FAM83H: variants seen among roughly 807,000 people sequenced by gnomAD.
The protein encoded by FAM83H is scaffolding CK1 anchoring protein H.
FAM83H carries 24 observed loss-of-function variants against 30.2 expected under a neutral mutation model. The ratio of observed to expected loss-of-function variants is 0.79; its 90% CI spans 0.57 to 1.12. The LOEUF (loss-of-function observed/expected upper bound fraction) is 1.12. Ranked by LOEUF, FAM83H falls within the 50% of genes most tolerant of loss-of-function variation. The pLI is 0.00. For missense variants in FAM83H, 2,038 were observed against 1,773.9 expected (o/e 1.15, Z -2.67); for synonymous variants, 1,013 against 821.7 (o/e 1.23, Z -3.98).
chr8:143,726,679 G>T lies in FAM83H; in HGVS notation c.2782C>A (p.Pro928Thr). ...CTGCCCCTGCGCTCCGGCACGGGGG[G>T]CACCGGACTGCTCCTGCGCTCCGGC... ...PVPERRSSPV[P>T]PVPERRGSLT... Residue 928 changes from proline to threonine, a missense_variant, in exon 5 of 5, where the codon CCC (proline) becomes ACC (threonine). Physicochemically the swap from Pro to Thr is conservative, Grantham distance 38 (BLOSUM62 -1). Transcript: ENST00000388913. 6.3e-7 allele frequency: 1 copy of T among 1,597,336 alleles called. No homozygotes were observed.
Position 143,727,688 on chromosome 8 carries a change from G to T in FAM83H, c.1773C>A (p.His591Gln). The change falls in exon 5 of 5, where the codon CAC (histidine) becomes CAA (glutamine). Residue 591 changes from histidine (H) to glutamine (Q), a missense_variant. By Grantham distance (24) the His-to-Gln change is conservative. Transcript: ENST00000388913. ...GGCCGTCGTCGCCCCCATCCTCGCC[G>T]TGGCAGCCGCTCAAGTAGGAGGCCA... Reference protein sequence around the residue: ...WRLASYLSGCHGEDGGDDGLP... With the variant: ...WRLASYLSGCQGEDGGDDGLP... The T allele has an allele frequency of 1.9e-6, 3 of 1,561,898 alleles. No homozygotes were observed. Among genetic ancestry groups the T allele is most frequent in the Admixed American group, 1.8e-5 (1 of 55,700 alleles).
At chr8:143,730,928 T>C (rs1317197946) in intron 1 of FAM83H, among the ~76,000 whole-genome samples, 1 of 152,054 alleles carries the variant, frequency 6.6e-6, no homozygotes, top group East Asian at 1.9e-4. Context: ...ACCCCATCTC[T>C]ACAAAAAATT....
intron 1 of FAM83H, chr8:143,731,224 C>T (rs888890014): frequency 1.1e-5 from 4 of 371,904 alleles, no homozygotes; most frequent in African/African-American, 2.2e-5. Flanking sequence ...CATTCACGGA[C>T]CCCTGGCACT....
chr8:143,728,699 G>C lies in FAM83H; in HGVS notation c.762C>G (p.Ile254Met). The change falls in exon 5 of 5, where the codon ATC (isoleucine) becomes ATG (methionine). Residue 254 changes from isoleucine (I) to methionine (M), a missense_variant. Transcript: ENST00000388913. ...SYSFMWSFEKIHRSLAHVFQG... is the reference protein window; with the variant it reads ...SYSFMWSFEKMHRSLAHVFQG... ...GGAACACGTGCGCCAGGCTGCGGTG[G>C]ATCTTCTCAAAGGACCACATGAAGC... The C allele has an allele frequency of 6.2e-7, 1 of 1,600,408 alleles. No individual in the cohort carries two copies. Among genetic ancestry groups the C allele is most frequent in the Non-Finnish European group, 8.5e-7 (1 of 1,179,884 alleles).
At position 143,726,581 on chromosome 8, in the gene FAM83H, T is replaced by C; in HGVS notation, c.2880A>G (p.Glu960=). 6.2e-7 allele frequency: 1 copy of C among 1,601,752 alleles called. No homozygotes were observed. The highest frequency in any genetic ancestry group is 1.1e-5 in the South Asian group (1 of 90,774). Reference sequence around the variant, plus strand: ...GACGCAAGGAGCCTTTGCGCAGGACTTCCATGGGGCCGCTCGGCCCCTCCT... The same window carrying C: ...GACGCAAGGAGCCTTTGCGCAGGACCTCCATGGGGCCGCTCGGCCCCTCCT... ...PAEEGPSGPM[E]VLRKGSLRLR... is the part of the protein sequence containing the mutation. Residue 960 remains glutamate, a synonymous_variant, in exon 5 of 5, where the codon GAA becomes GAG. Coordinates refer to ENST00000388913, the MANE Select transcript of FAM83H (RefSeq NM_198488.5).
chr8:143,726,974 G>A lies in FAM83H; in HGVS notation c.2487C>T (p.Asp829=), dbSNP rs782708415. Residue 829 remains aspartate (D), a synonymous_variant, in exon 5 of 5, where the codon GAC becomes GAT. Coordinates refer to ENST00000388913, the MANE Select transcript of FAM83H (RefSeq NM_198488.5). The part of the protein sequence containing the change: ...LLDTLGRSGS[D]RLPSRFLSAQ... Reference sequence around the variant, plus strand: ...CAGAGAGGAAGCGGGAAGGCAGGCGGTCGGAGCCGCTCCGGCCCAGTGTGT... The same window carrying A: ...CAGAGAGGAAGCGGGAAGGCAGGCGATCGGAGCCGCTCCGGCCCAGTGTGT... 15 of 1,602,840 alleles carry A rather than the reference G, an allele frequency of 9.4e-6. No individual in the cohort carries two copies. In the East Asian group the frequency reaches 2.5e-4, roughly 26 times the overall value.
chr8:143,725,675 G>A lies in FAM83H; in HGVS notation c.*246C>T, dbSNP rs1430695903. On this transcript the variant is annotated 3_prime_UTR_variant, in exon 5 of 5. Coordinates refer to ENST00000388913, the MANE Select transcript of FAM83H (RefSeq NM_198488.5). ...CTGACGGTGCAGAGATGAAGGTGCTGAGGGGAGAAAGGCACTGGTGGCGAG... is the reference window on the plus strand; with the variant it reads ...CTGACGGTGCAGAGATGAAGGTGCTAAGGGGAGAAAGGCACTGGTGGCGAG... 16 of 614,340 alleles carry A rather than the reference G, an allele frequency of 2.6e-5. No individual in the cohort carries two copies. Among genetic ancestry groups the A allele is most frequent in the Admixed American group, 8.9e-5 (3 of 33,820 alleles). 38.1% of individuals were successfully genotyped at this position (614,340 alleles called of 1,614,324 possible). A position where few individuals can be genotyped will look rare whatever the true frequency, so the allele number is the denominator to read the frequency against.
rs1186805430 is a variant in FAM83H at position 143,727,918 on chromosome 8, C to T, written c.1543G>A (p.Ala515Thr). 2 of 1,522,380 alleles carry T rather than the reference C, an allele frequency of 1.3e-6. No homozygotes were observed. The highest frequency in any genetic ancestry group is 1.8e-6 in the Non-Finnish European group (2 of 1,141,328). 94.3% of individuals were successfully genotyped at this position (1,522,380 alleles called of 1,614,324 possible). A position where few individuals can be genotyped will look rare whatever the true frequency, so the allele number is the denominator to read the frequency against. Reference protein sequence around the residue: ...HQRLDYVPSSASREVRHGSDP... With the variant: ...HQRLDYVPSSTSREVRHGSDP... Reference sequence around the variant, plus strand: ...GAGCCGTGGCGCACCTCGCGGGACGCGCTGGACGGCACGTAGTCCAGCCGC... The same window carrying T: ...GAGCCGTGGCGCACCTCGCGGGACGTGCTGGACGGCACGTAGTCCAGCCGC... The change falls in exon 5 of 5, where the codon GCG (alanine) becomes ACG (threonine). Residue 515 changes from alanine to threonine, a missense_variant. Transcript: ENST00000388913.
chr8:143,728,615 C>CT lies in FAM83H; in HGVS notation c.845dup (p.Pro283AlafsTer42). On this transcript the variant is annotated frameshift_variant, in exon 5 of 5. Transcript: ENST00000388913. LOFTEE classifies it low-confidence loss of function (END_TRUNC). ...GGGCCGCGGCCGAGGGCACAAGCGG[C>CT]TCGGACTGCGCGAAGAGGATGCGGA... 1 of 1,609,898 alleles carries CT rather than the reference C, an allele frequency of 6.2e-7. No individual in the cohort carries two copies. The highest frequency in any genetic ancestry group is 8.5e-7 in the Non-Finnish European group (1 of 1,179,594).
Position 143,733,237 on chromosome 8 carries a change from G to A in FAM83H, c.-16+454C>T, listed in dbSNP as rs1345129993. On this transcript the variant is annotated intron_variant, in intron 1 of 4. Coordinates refer to ENST00000388913, the MANE Select transcript of FAM83H (RefSeq NM_198488.5). This position sits in a 1 kb window ranked among gnomAD's most constrained non-coding sequence, Gnocchi z 5.6. Reference sequence around the variant, plus strand: ...CCCAGCCCAGGAACGTGGGCGCGAGGGGCAGCACTCCCATCACTCGCCCTG... The same window carrying A: ...CCCAGCCCAGGAACGTGGGCGCGAGAGGCAGCACTCCCATCACTCGCCCTG... The A allele has an allele frequency of 6.6e-6, 1 of 152,382 alleles. No individual in the cohort carries two copies. Among genetic ancestry groups the A allele is most frequent in the Admixed American group, 6.5e-5 (1 of 15,292 alleles). The allele number at this position is 152,382 out of a possible 1,614,324, so 9.4% of individuals were successfully genotyped here.
chr8:143,727,219 G>T lies in FAM83H; in HGVS notation c.2242C>A (p.Pro748Thr). 1 of 1,533,792 alleles carries T rather than the reference G, an allele frequency of 6.5e-7. No individual in the cohort carries two copies. The change falls in exon 5 of 5, where the codon CCC (proline) becomes ACC (threonine). Residue 748 changes from proline (P) to threonine (T), a missense_variant. By Grantham distance (38) the Pro-to-Thr change is conservative. Coordinates refer to ENST00000388913, the MANE Select transcript of FAM83H (RefSeq NM_198488.5). ...GTGATGGCGCCCGCGCCGCCGCCGG[G>T]ATCACGGGCTGGGCCCTTGTACTTC... ...LEKYKGPARD[P>T]GGGAGAITVA... is the part of the protein sequence containing the mutation.
chr8:143,730,082 C>G (rs537485695), intron 2 of FAM83H, 54 bp downstream of exon 2: 9 of 1,426,322 alleles, frequency 6.3e-6, no homozygotes, highest in African/African-American at 2.9e-5. Flanking sequence ...CCTCCACCCC[C>G]GTGCCTCTAG....
rs1554621031 is a variant in FAM83H at position 143,724,888 on chromosome 8, G to A, written c.*1033C>T. 1 of 152,564 alleles carries A rather than the reference G, an allele frequency of 6.6e-6. No homozygotes were observed. Among genetic ancestry groups the A allele is most frequent in the South Asian group, 2.1e-4 (1 of 4,826 alleles). The allele number at this position is 152,564 out of a possible 1,614,324, so 9.5% of individuals were successfully genotyped here. A position where few individuals can be genotyped will look rare whatever the true frequency, so the allele number is the denominator to read the frequency against. ...AGTGCTGGCCAGAGCCTCGCTGGAG[G>A]AGATGGCAGACCTGGCCAAGGCGCC... On this transcript the variant is annotated 3_prime_UTR_variant, in exon 5 of 5. Coordinates refer to ENST00000388913, the MANE Select transcript of FAM83H (RefSeq NM_198488.5).
rs2129679645 is a variant in FAM83H at position 143,728,690 on chromosome 8, G to A, written c.771C>T (p.Ser257=). ...FMWSFEKIHR[S]LAHVFQGELV... Reference sequence around the variant, plus strand: ...GCTCTCCTTGGAACACGTGCGCCAGGCTGCGGTGGATCTTCTCAAAGGACC... The same window carrying A: ...GCTCTCCTTGGAACACGTGCGCCAGACTGCGGTGGATCTTCTCAAAGGACC... The change falls in exon 5 of 5, where the codon AGC becomes AGT. Residue 257 remains serine (S), a synonymous_variant. Coordinates refer to ENST00000388913, the MANE Select transcript of FAM83H (RefSeq NM_198488.5). The A allele has an allele frequency of 1.2e-6, 2 of 1,601,222 alleles. No individual in the cohort carries two copies. The highest frequency in any genetic ancestry group is 4.5e-5 in the East Asian group (2 of 44,872).
In FAM83H at chr8:143,727,925, C is replaced by G. The variant is rs1563759415; in HGVS notation, c.1536G>C (p.Pro512=). ...GGCGCACCTCGCGGGACGCGCTGGACGGCACGTAGTCCAGCCGCTGGTGCC... is the reference window on the plus strand; with the variant it reads ...GGCGCACCTCGCGGGACGCGCTGGAGGGCACGTAGTCCAGCCGCTGGTGCC... ...PDGHQRLDYV[P]SSASREVRHG... is the part of the protein sequence containing the mutation. The change falls in exon 5 of 5, where the codon CCG becomes CCC. Residue 512 remains proline (P), a synonymous_variant. Coordinates refer to ENST00000388913, the MANE Select transcript of FAM83H (RefSeq NM_198488.5). 6.5e-7 allele frequency: 1 copy of G among 1,531,356 alleles called. No homozygotes were observed. The highest frequency in any genetic ancestry group is 2.4e-5 in the East Asian group (1 of 41,212). The allele number at this position is 1,531,356 out of a possible 1,614,324, so 94.9% of individuals were successfully genotyped here.
rs1818480427 is a variant in FAM83H at position 143,730,529 on chromosome 8, C to G, written c.54G>C (p.Gly18=). ...SSQGDNPLAP[G]YLPPHYKEYY... ...ACTCTTTGTAGTGAGGCGGCAGGTACCCGGGTGCCAGTGGGTTGTCCCCCT... is the reference window on the plus strand; with the variant it reads ...ACTCTTTGTAGTGAGGCGGCAGGTAGCCGGGTGCCAGTGGGTTGTCCCCCT... The change falls in exon 2 of 5, where the codon GGG becomes GGC. Residue 18 remains glycine, a synonymous_variant. Transcript: ENST00000388913. The G allele has an allele frequency of 6.3e-7, 1 of 1,577,896 alleles. No individual in the cohort carries two copies. The highest frequency in any genetic ancestry group is 1.2e-5 in the South Asian group (1 of 86,782).
Position 143,728,180 on chromosome 8 carries a change from C to A in FAM83H, c.1281G>T (p.Arg427=). 1 of 1,605,864 alleles carries A rather than the reference C, an allele frequency of 6.2e-7. No homozygotes were observed. Among genetic ancestry groups the A allele is most frequent in the Non-Finnish European group, 8.5e-7 (1 of 1,178,690 alleles). The part of the protein sequence containing the change: ...AGAVENFAAA[R]QVSRQTFLSH... ...TGAGGAACGTCTGCCGCGACACCTG[C>A]CGCGCGGCCGCGAAGTTCTCCACGG... The change falls in exon 5 of 5, where the codon CGG becomes CGT. Residue 427 remains arginine, a synonymous_variant. Coordinates refer to ENST00000388913, the MANE Select transcript of FAM83H (RefSeq NM_198488.5).
At position 143,728,618 on chromosome 8, in the gene FAM83H, G is replaced by T. The variant is rs782379599; in HGVS notation, c.843C>A (p.Ser281=). 1 of 1,609,628 alleles carries T rather than the reference G, an allele frequency of 6.2e-7. No homozygotes were observed. Among genetic ancestry groups the T allele is most frequent in the South Asian group, 1.1e-5 (1 of 90,978 alleles). ...DEEFRILFAQ[S]EPLVPSAAAL... ...CCGCGGCCGAGGGCACAAGCGGCTC[G>T]GACTGCGCGAAGAGGATGCGGAACT... Residue 281 remains serine, a synonymous_variant, in exon 5 of 5, where the codon TCC becomes TCA. Transcript: ENST00000388913.
rs1255866188 is a variant in FAM83H, at chr8:143,733,469, G to C, written c.-16+222C>G. ...GCTCTTTTCGGGCCGGCGTCGTGCGGGGGCGCTCGCGTCCATATCCGCACA... is the reference window on the plus strand; with the variant it reads ...GCTCTTTTCGGGCCGGCGTCGTGCGCGGGCGCTCGCGTCCATATCCGCACA... On this transcript the variant is annotated intron_variant, in intron 1 of 4. Transcript: ENST00000388913. The surrounding 1 kb of genome is among the most constrained non-coding windows in gnomAD (Gnocchi z 5.6). Among the ~76,000 whole-genome samples, 2 of 152,098 alleles carry C rather than the reference G, an allele frequency of 1.3e-5. No individual in the cohort carries two copies. The highest frequency in any genetic ancestry group is 2.9e-5 in the Non-Finnish European group (2 of 67,976).
Sources: gnomAD v4.1 joint callset for allele counts (sites outside exome capture counted in the v4.1 genomes callset) on GRCh38, gnomAD v4.1.1 for gene constraint, Gnocchi (gnomAD v3.1) non-coding constraint, MANE v1.5 for transcripts, NCBI Gene and HGNC (gene_info 2026-07-23, HGNC 2026-07-21) for gene names.